Variants in CABIN1 observed in about 807,000 individuals in gnomAD.
The protein encoded by CABIN1 is calcineurin binding protein 1, also known as calcineurin-binding protein cabin-1.
Under a neutral mutation model 227.7 loss-of-function variants are expected in CABIN1, and 133 were observed. That is an observed-to-expected ratio of 0.58 (90% CI 0.51 to 0.67). The LOEUF is 0.67. Among genes scored for constraint, CABIN1 ranks in the 30% least tolerant of loss-of-function variants. The pLI, the probability that CABIN1 is intolerant of heterozygous loss-of-function variation, is 0.00. For missense variants in CABIN1, 2,408 were observed against 2,852.5 expected (o/e 0.84, Z 3.55); for synonymous variants, 1,086 against 1,155.1 (o/e 0.94, Z 1.21).
chr22:24,147,385 G>T (rs1246924864), intron 29 of CABIN1, among the ~76,000 whole-genome samples: 1 of 130,604 alleles, frequency 7.7e-6, no homozygotes, highest in East Asian at 2.4e-4. Context: ...CCCTCCCTCC[G>T]TTCCTCCCTT....
chr22:24,175,956 C>G, intron 34 of CABIN1, 155 bp from the exon 35 acceptor site: 1 of 874,326 alleles, frequency 1.1e-6, no homozygotes, highest in Admixed American at 2.0e-5. Flanking sequence ...TTGGCAGCAC[C>G]AACCTGGACT....
At chr22:24,021,472 A>G (rs1319810965) in intron 1 of CABIN1, among the ~76,000 whole-genome samples, 1 of 151,610 alleles carries the variant, frequency 6.6e-6, no homozygotes, top group South Asian at 2.1e-4. Flanking sequence ...TGTCTTTTTT[A>G]AAAAATTATT....
chr22:24,102,366 C>G (rs1476914564), intron 26 of CABIN1: 2 of 152,252 alleles, frequency 1.3e-5, no homozygotes, highest in Non-Finnish European at 2.9e-5. Context: ...ATGCCAGAGC[C>G]AGAAAAGGCC....
chr22:24,172,948 A>G (rs1478788371), intron 34 of CABIN1: 1 of 152,258 alleles, frequency 6.6e-6, no homozygotes, highest in East Asian at 1.9e-4. Flanking sequence ...ATAATAGGAC[A>G]GGGATATTCC....
At chr22:24,036,449 A>G (rs2036897256) in intron 3 of CABIN1, among the ~76,000 whole-genome samples, 1 of 152,200 alleles carries the variant, frequency 6.6e-6, no homozygotes, top group African/African-American at 2.4e-5. Context: ...TGCAGCCCTC[A>G]GGAGTTGGGA....
Position 24,164,418 on chromosome 22 carries a change from G to A in CABIN1, c.4765G>A (p.Val1589Met), listed in dbSNP as rs1176319296. The change falls in exon 30 of 37, where the codon GTG (valine) becomes ATG (methionine). Residue 1589 changes from valine to methionine, a missense_variant. Physicochemically the swap from Val to Met is conservative, Grantham distance 21. Transcript: ENST00000263119. ...CCCACAGGGCATCTGGCGGATCCCC[G>A]TGGACGAGATTGACCGGCCGGGCAG... ...NFFNGIWRIPVDEIDRPGSFA... is the reference protein window; with the variant it reads ...NFFNGIWRIPMDEIDRPGSFA... The A allele has an allele frequency of 3.7e-6, 6 of 1,604,312 alleles. No homozygotes were observed. The highest frequency in any genetic ancestry group is 3.4e-6 in the Non-Finnish European group (4 of 1,179,958).
In CABIN1 at chr22:24,105,673, A is replaced by G. The variant is rs185932967; in HGVS notation, c.4117+7481A>G. On this transcript the variant is annotated intron_variant, in intron 26 of 36. Coordinates refer to ENST00000263119, the MANE Select transcript of CABIN1 (RefSeq NM_012295.4). ...CTCCACCCAGCCCCATAGGAAGTTTAGGCTAAGTCTGGCTCTCCTACATCA... is the reference window on the plus strand; with the variant it reads ...CTCCACCCAGCCCCATAGGAAGTTTGGGCTAAGTCTGGCTCTCCTACATCA... 1.8e-4 allele frequency among the ~76,000 whole-genome samples: 28 copies of G among 152,214 alleles called. No individual in the cohort carries two copies. The East Asian group carries it at 5.0e-3, about 27-fold the overall frequency.
At chr22:24,045,836 G>A (rs1343414154) in intron 6 of CABIN1, among the ~76,000 whole-genome samples, 1 of 152,134 alleles carries the variant, frequency 6.6e-6, no homozygotes, top group African/African-American at 2.4e-5. Flanking sequence ...TGAGATAGAT[G>A]AGGCCTTGCT....
intron 29 of CABIN1, among the ~76,000 whole-genome samples, chr22:24,139,518 A>T (rs868674896): frequency 3.3e-4 from 50 of 151,584 alleles, no homozygotes; most frequent in African/African-American, 1.2e-3. Flanking sequence ...GTGAGCTGAG[A>T]TTGCACCACT....
chr22:24,018,175 C>A (rs1000515027), intron 1 of CABIN1, among the ~76,000 whole-genome samples: 7 of 152,204 alleles, frequency 4.6e-5, no homozygotes, highest in African/African-American at 1.7e-4. Context: ...TTTTTAAGAG[C>A]TGTTTGTATA....
chr22:24,014,721 A>G (rs1819942595), intron 1 of CABIN1, among the ~76,000 whole-genome samples: 1 of 152,150 alleles, frequency 6.6e-6, no homozygotes, highest in Admixed American at 6.5e-5. Context: ...GATTTCTGAG[A>G]GTCAGAGCTA....
At chr22:24,066,866 T>G (rs2039719525) in intron 15 of CABIN1, 121 bp from the exon 16 acceptor site, 1 of 916,140 alleles carries the variant, frequency 1.1e-6, no homozygotes, top group Non-Finnish European at 1.7e-6. Flanking sequence ...TTTTTTGGGC[T>G]GGAACATAGT....
At chr22:24,156,398 C>G (rs1218138218) in intron 29 of CABIN1, 6 of 275,452 alleles carry the variant, frequency 2.2e-5, no homozygotes, top group Non-Finnish European at 4.0e-5. Flanking sequence ...CGGCGGCGCG[C>G]GGGGGCGGCA....
At chr22:24,118,600 A>G (rs1275815150) in intron 27 of CABIN1, among the ~76,000 whole-genome samples, 2 of 152,090 alleles carry the variant, frequency 1.3e-5, no homozygotes, top group Non-Finnish European at 1.5e-5. Context: ...GCCACAGACC[A>G]CAGGACCCCT....
At chr22:24,134,256 T>C (rs1332394009) in intron 28 of CABIN1, 46 bp from the exon 29 acceptor site, 1 of 1,472,452 alleles carries the variant, frequency 6.8e-7, no homozygotes, top group Non-Finnish European at 9.4e-7. Context: ...GTGGGCGCCC[T>C]GAGCAGCCCA....
At chr22:24,083,535 C>A in intron 20 of CABIN1, 146 bp downstream of exon 20, 1 of 852,584 alleles carries the variant, frequency 1.2e-6, no homozygotes, top group Non-Finnish European at 1.9e-6. Flanking sequence ...ATGAGTGTAT[C>A]AAAGGACAAG....
chr22:24,114,622 G>C (rs920461343), intron 27 of CABIN1, among the ~76,000 whole-genome samples: 1 of 152,168 alleles, frequency 6.6e-6, no homozygotes, highest in African/African-American at 2.4e-5. Flanking sequence ...TACCTCTCCG[G>C]GTGGGATGGA....
At chr22:24,051,700 A>G (rs909423444) in intron 8 of CABIN1, among the ~76,000 whole-genome samples, 4 of 152,108 alleles carry the variant, frequency 2.6e-5, no homozygotes, top group African/African-American at 9.7e-5. Context: ...ACCTGGGTCC[A>G]ATCCTGGCAC....
intron 8 of CABIN1, among the ~76,000 whole-genome samples, chr22:24,052,552 A>G (rs1178317221): frequency 6.6e-6 from 1 of 151,282 alleles, no homozygotes; most frequent in Non-Finnish European, 1.5e-5. Flanking sequence ...GTACTTTGGG[A>G]GGCTGAGGCA....
Sources: allele counts gnomAD v4.1 joint callset (sites outside exome capture counted in the v4.1 genomes callset), GRCh38; gene constraint gnomAD v4.1.1; transcripts MANE v1.5; gene names NCBI Gene and HGNC (gene_info 2026-07-23, HGNC 2026-07-21).